The following RIN2 variants were observed in gnomAD, a reference collection of about 807,000 sequenced individuals.
The protein encoded by RIN2 is Ras and Rab interactor 2.
In RIN2, 36 loss-of-function variants were observed where a neutral mutation model predicts 78.0. The observed-to-expected ratio is 0.46, with a 90% CI of 0.35 to 0.61. RIN2 has a LOEUF of 0.61. Ranked by LOEUF, RIN2 falls within the 20% of genes least tolerant of loss-of-function variation. The pLI is 0.00. For missense variants in RIN2, 1,087 were observed against 1,159.7 expected, an observed-to-expected ratio of 0.94 and a Z score of 0.91; for synonymous variants, 466 against 466.8, an observed-to-expected ratio of 1.00 and a Z score of 0.02.
intron 3 of RIN2, among the ~76,000 whole-genome samples, chr20:19,893,175 C>T (rs1310620440): frequency 1.3e-5 from 2 of 152,136 alleles, no homozygotes; most frequent in African/African-American, 2.4e-5. Context: ...AAGCGGACTT[C>T]GATTTGAGAG....
upstream of RIN2, chr20:19,757,932 G>T (rs762699840): frequency 5.2e-5 from 8 of 152,482 alleles, no homozygotes; most frequent in Admixed American, 3.9e-4. Flanking sequence ...TGGGTTCCTT[G>T]TAACAGGGTA....
intron 2 of RIN2, among the ~76,000 whole-genome samples, chr20:19,827,998 A>C (rs2036147087): frequency 6.6e-6 from 1 of 152,006 alleles, no homozygotes; most frequent in Non-Finnish European, 1.5e-5. Flanking sequence ...TAGAGCCCTT[A>C]CCCATATTTG....
At chr20:19,857,917 G>C (rs2037214738) in intron 2 of RIN2, among the ~76,000 whole-genome samples, 1 of 152,130 alleles carries the variant, frequency 6.6e-6, no homozygotes, top group Non-Finnish European at 1.5e-5. Context: ...TGTAGTGAAG[G>C]CTCCATTTAA....
chr20:19,905,256 T>C (rs2039167622), intron 3 of RIN2, among the ~76,000 whole-genome samples: 1 of 152,192 alleles, frequency 6.6e-6, no homozygotes, highest in South Asian at 2.1e-4. Flanking sequence ...GGAGGAGGAT[T>C]GCAGACTCCT....
At chr20:19,827,128 A>G (rs967932556) in intron 2 of RIN2, among the ~76,000 whole-genome samples, 5 of 151,874 alleles carry the variant, frequency 3.3e-5, no homozygotes, top group Non-Finnish European at 5.9e-5. Context: ...GGCATGTGCT[A>G]CCATACCTAG....
chr20:19,941,212 TC>T (rs1224530037), intron 4 of RIN2, among the ~76,000 whole-genome samples: 1 of 152,164 alleles, frequency 6.6e-6, no homozygotes, highest in African/African-American at 2.4e-5. Flanking sequence ...GCTCTGAGCT[TC>T]CCAGTGGCTA....
Position 19,974,903 on chromosome 20 carries a change from C to A in RIN2, c.878C>A (p.Thr293Lys), listed in dbSNP as rs2042221228. 1.2e-6 allele frequency: 2 copies of A among 1,613,786 alleles called. No individual in the cohort carries two copies. The highest frequency in any genetic ancestry group is 8.5e-7 in the Non-Finnish European group (1 of 1,179,824). Residue 293 changes from threonine (T) to lysine (K), a missense_variant, in exon 9 of 13, where the codon ACA becomes AAA. Thr to Lys is a moderately conservative substitution (Grantham distance 78, BLOSUM62 -1). Around this residue, in one of 8 missense-constraint regions of RIN2, gnomAD observed 706 missense variants for 667.5 expected, o/e 1.06. Coordinates refer to ENST00000255006, the MANE Select transcript of RIN2 (RefSeq NM_018993.4). ...DLSGGLKRPSTRTPNANGTER... is the reference protein window; with the variant it reads ...DLSGGLKRPSKRTPNANGTER... ...AGTGGAGGCCTGAAACGGCCGAGCACAAGGACTCCCAACGCGAATGGCACG... is the reference window on the plus strand; with the variant it reads ...AGTGGAGGCCTGAAACGGCCGAGCAAAAGGACTCCCAACGCGAATGGCACG...
At chr20:19,777,608 C>T (rs917031471) in intron 1 of RIN2, among the ~76,000 whole-genome samples, 1 of 152,230 alleles carries the variant, frequency 6.6e-6, no homozygotes, top group Non-Finnish European at 1.5e-5. Flanking sequence ...TCTCTTTCTG[C>T]AGAGCAGAGA....
At chr20:19,864,323 T>C (rs1460726205) in intron 2 of RIN2, among the ~76,000 whole-genome samples, 1 of 152,190 alleles carries the variant, frequency 6.6e-6, no homozygotes. Flanking sequence ...GGGCACAAGC[T>C]TTTTGGCAAA....
chr20:19,865,924 G>A (rs781448064), intron 2 of RIN2, among the ~76,000 whole-genome samples: 16 of 152,116 alleles, frequency 1.1e-4, no homozygotes, highest in Admixed American at 2.6e-4. Context: ...CCAGTTTCAC[G>A]GAAGACAATT....
chr20:19,945,132 T>G (rs1193673066), intron 4 of RIN2, among the ~76,000 whole-genome samples: 2 of 152,188 alleles, frequency 1.3e-5, no homozygotes, highest in Non-Finnish European at 2.9e-5. Context: ...AAACTGAGAT[T>G]AAACAGTGCA....
intron 3 of RIN2, among the ~76,000 whole-genome samples, chr20:19,901,194 T>A (rs1445222974): frequency 6.6e-6 from 1 of 152,156 alleles, no homozygotes; most frequent in Admixed American, 6.6e-5. Flanking sequence ...GATACCACCT[T>A]ACCAGCTGGA....
At chr20:19,806,547 T>C (rs967947875) in intron 2 of RIN2, among the ~76,000 whole-genome samples, 2 of 152,178 alleles carry the variant, frequency 1.3e-5, no homozygotes, top group Non-Finnish European at 2.9e-5. Flanking sequence ...CTTCCTGTAC[T>C]TCCCCTTTGC....
chr20:19,945,660 CT>C (rs1249089279), intron 4 of RIN2, among the ~76,000 whole-genome samples: 1 of 152,050 alleles, frequency 6.6e-6, no homozygotes, highest in East Asian at 1.9e-4. Flanking sequence ...TCATCACTGA[CT>C]TTTCTTTTTA....
chr20:19,975,320 T>G lies in RIN2; in HGVS notation c.1295T>G (p.Met432Arg), dbSNP rs993557355. ...GGAGGCCGGCAGCGGCTGAGCGACA[T>G]GAGCATTTCTACTTCCTCCTCCGAC... ...CHGGRQRLSD[M>R]SISTSSSDSL... The change falls in exon 9 of 13, where the codon ATG (methionine) becomes AGG (arginine). Residue 432 changes from methionine to arginine, a missense_variant. By Grantham distance (91) the Met-to-Arg change is moderately conservative. Coordinates refer to ENST00000255006, the MANE Select transcript of RIN2 (RefSeq NM_018993.4). This position sits in a 1 kb window ranked among gnomAD's most constrained non-coding sequence, Gnocchi z 4.9. The G allele has an allele frequency of 5.0e-6, 8 of 1,610,202 alleles. No homozygotes were observed. The highest frequency in any genetic ancestry group is 6.8e-6 in the Non-Finnish European group (8 of 1,178,352).
At chr20:19,765,289 T>C (rs923565775) in intron 1 of RIN2, among the ~76,000 whole-genome samples, 10 of 152,196 alleles carry the variant, frequency 6.6e-5, no homozygotes, top group Admixed American at 1.3e-4. Flanking sequence ...GAAAGATAGT[T>C]TGGGATCCTC....
Position 19,779,609 on chromosome 20 carries a change from C to T in RIN2, c.-162-20013C>T, listed in dbSNP as rs1430647741. On this transcript the variant is annotated intron_variant, in intron 1 of 12. Coordinates refer to ENST00000255006, the MANE Select transcript of RIN2 (RefSeq NM_018993.4). Reference sequence around the variant, plus strand: ...GGATGAAAAATTGATTCATTCTGGCCGTGCTTGTCAAATTGTAGCCAAGCA... The same window carrying T: ...GGATGAAAAATTGATTCATTCTGGCTGTGCTTGTCAAATTGTAGCCAAGCA... 7.9e-5 allele frequency among the ~76,000 whole-genome samples: 12 copies of T among 152,248 alleles called. No homozygotes were observed. The South Asian group carries it at 1.0e-3, about 13-fold the overall frequency.
In RIN2 at chr20:19,924,183, CTTCATACCCCACCTTCATACCCCCAACT is replaced by C. The variant is rs1228013789; in HGVS notation, c.58-10905_58-10878del. 4.2e-5 allele frequency among the ~76,000 whole-genome samples: 3 copies of C among 71,020 alleles called. No homozygotes were observed. The Admixed American group carries it at 4.8e-4, about 11-fold the overall frequency. 46.6% of individuals were successfully genotyped at this position (71,020 alleles called of 152,430 possible). A position where few individuals can be genotyped will look rare whatever the true frequency, so the allele number is the denominator to read the frequency against. ...TATACCCCCACCTTCATACCCACAC[CTTCATACCCCACCTTCATACCCCCAACT>C]TTCATACCCCCACCTTCCATACCCC... is the stretch of plus-strand genomic sequence containing the variant. On this transcript the variant is annotated intron_variant, in intron 3 of 12. Transcript: ENST00000255006.
intron 2 of RIN2, among the ~76,000 whole-genome samples, chr20:19,808,049 A>G (rs566396777): frequency 6.6e-6 from 1 of 152,324 alleles, no homozygotes; most frequent in East Asian, 1.9e-4. Context: ...TAAATGATTA[A>G]ATGTCTTTCC....
Sources: gnomAD v4.1 joint callset for allele counts (sites outside exome capture counted in the v4.1 genomes callset) on GRCh38, gnomAD v4.1.1 for gene constraint, gnomAD v4.1.1 regional missense constraint, Gnocchi (gnomAD v3.1) non-coding constraint, MANE v1.5 for transcripts, NCBI Gene and HGNC (gene_info 2026-07-23, HGNC 2026-07-21) for gene names.